TOX: variants seen among roughly 807,000 people sequenced by gnomAD.
TOX encodes thymocyte selection-associated high mobility group box protein TOX.
Under a neutral mutation model 53.7 loss-of-function variants are expected in TOX, and 11 were observed. That is an observed-to-expected ratio of 0.20 (90% CI 0.13 to 0.34). TOX has a LOEUF of 0.34. Among genes scored for constraint, TOX ranks in the 10% least tolerant of loss-of-function variants. TOX has a pLI of 1.00. For missense variants in TOX, 570 were observed against 664.6 expected (o/e 0.86, Z 1.56); for synonymous variants, 225 against 245.3 (o/e 0.92, Z 0.77).
At chr8:58,927,973 A>G (rs1563391762) in intron 3 of TOX, among the ~76,000 whole-genome samples, 1 of 152,282 alleles carries the variant, frequency 6.6e-6, no homozygotes, top group Non-Finnish European at 1.5e-5. Context: ...CAAGATCCCA[A>G]TGCCATCAGT....
intron 3 of TOX, among the ~76,000 whole-genome samples, chr8:58,937,743 A>C (rs1812370582): frequency 6.6e-6 from 1 of 152,114 alleles, no homozygotes; most frequent in Non-Finnish European, 1.5e-5. Flanking sequence ...TACCATGGGG[A>C]ATAAGCCTAG....
rs139018873 is a variant in TOX at position 58,986,124 on chromosome 8, TACTTAAGGTCGTC to T, written c.103-26129_103-26117del. On this transcript the variant is annotated intron_variant, in intron 1 of 8. Coordinates refer to ENST00000361421, the MANE Select transcript of TOX (RefSeq NM_014729.3). ...TCCTCACTACTCTTTTAAAACATAGTACTTAAGGTCGTCACTTAAATTTACTGATGGAGAAACA... is the reference window on the plus strand; with the variant it reads ...TCCTCACTACTCTTTTAAAACATAGTACTTAAATTTACTGATGGAGAAACA... 6.4e-3 allele frequency among the ~76,000 whole-genome samples: 969 copies of T among 152,286 alleles called. 9 individuals carry two copies. Among genetic ancestry groups the T allele is most frequent in the African/African-American group, 0.022 (916 of 41,546 alleles).
intron 1 of TOX, among the ~76,000 whole-genome samples, chr8:59,110,735 C>T (rs1019200193): frequency 2.6e-4 from 40 of 151,718 alleles, no homozygotes. Flanking sequence ...AAAGAGGCCC[C>T]CCGGGGGGCC....
At chr8:59,020,124 GGA>G (rs1814095185) in intron 1 of TOX, among the ~76,000 whole-genome samples, 1 of 152,124 alleles carries the variant, frequency 6.6e-6, no homozygotes, top group African/African-American at 2.4e-5. Flanking sequence ...CAAATTTTGT[GGA>G]AATGTTTTCA....
chr8:58,976,742 T>TTTCG (rs1275554358), intron 1 of TOX, among the ~76,000 whole-genome samples: 2 of 152,236 alleles, frequency 1.3e-5, no homozygotes, highest in Non-Finnish European at 2.9e-5. Context: ...GAATGGATGT[T>TTTCG]ATGCTAACAG....
At chr8:58,972,246 G>A (rs1025800796) in intron 1 of TOX, among the ~76,000 whole-genome samples, 8 of 152,026 alleles carry the variant, frequency 5.3e-5, no homozygotes, top group Admixed American at 2.0e-4. Flanking sequence ...TTTGGCTAAC[G>A]TTAAAGTTAT....
intron 1 of TOX, among the ~76,000 whole-genome samples, chr8:59,047,383 A>T (rs1468059886): frequency 6.8e-6 from 1 of 147,560 alleles, no homozygotes; most frequent in African/African-American, 2.5e-5. Context: ...CGCCCAGCTA[A>T]TTTTTTTTTT....
rs373421494 is a variant in TOX at position 58,923,408 on chromosome 8, C to T, written c.411+15894G>A. On this transcript the variant is annotated intron_variant, in intron 3 of 8. Coordinates refer to ENST00000361421, the MANE Select transcript of TOX (RefSeq NM_014729.3). ...TCTGGAGTGACAGAAATAAGATGAACGAAGGATGAATCCCAGGTTTTTGGG... is the reference window on the plus strand; with the variant it reads ...TCTGGAGTGACAGAAATAAGATGAATGAAGGATGAATCCCAGGTTTTTGGG... 2.8e-4 allele frequency among the ~76,000 whole-genome samples: 43 copies of T among 152,156 alleles called. 1 individual carries two copies. The East Asian group carries it at 3.9e-3, about 14-fold the overall frequency.
chr8:58,873,810 A>G (rs1811235601), intron 3 of TOX, among the ~76,000 whole-genome samples: 1 of 151,428 alleles, frequency 6.6e-6, no homozygotes, highest in Admixed American at 6.6e-5. Context: ...CATGAGGGAG[A>G]CTCCATTTAG....
intron 3 of TOX, among the ~76,000 whole-genome samples, chr8:58,897,703 C>CTTTTT (rs10649827): frequency 0.46 from 68,733 of 148,032 alleles, 16,226 homozygotes; most frequent in African/African-American, 0.54. Context: ...AAATGGAAGT[C>CTTTTT]TTTTTTTTTT....
chr8:58,822,139 T>C (rs1190289930), intron 6 of TOX, among the ~76,000 whole-genome samples: 1 of 152,248 alleles, frequency 6.6e-6, no homozygotes, highest in Admixed American at 6.5e-5. Context: ...AGTTTAGCAA[T>C]GTCCCCTGTT....
intron 1 of TOX, among the ~76,000 whole-genome samples, chr8:59,064,261 G>A (rs1804047783): frequency 6.6e-6 from 1 of 152,154 alleles, no homozygotes; most frequent in South Asian, 2.1e-4. Context: ...TGGCTTCTCT[G>A]TCATTCTTTG....
chr8:59,019,584 G>T (rs915036174), intron 1 of TOX, among the ~76,000 whole-genome samples: 1 of 152,150 alleles, frequency 6.6e-6, no homozygotes, highest in Non-Finnish European at 1.5e-5. Context: ...TTTAATTTGT[G>T]TCTCAATTGA....
chr8:59,071,134 G>T (rs916560042), intron 1 of TOX, among the ~76,000 whole-genome samples: 1 of 152,202 alleles, frequency 6.6e-6, no homozygotes, highest in Admixed American at 6.5e-5. Context: ...CATGGGGCGG[G>T]TATCTATTAA....
intron 1 of TOX, among the ~76,000 whole-genome samples, chr8:59,058,544 A>G (rs1303786995): frequency 2.0e-5 from 3 of 152,192 alleles, no homozygotes; most frequent in East Asian, 1.9e-4. Context: ...AAGTTCCGGA[A>G]GAAGGCAAGC....
Position 59,096,214 on chromosome 8 carries a change from A to C in TOX, c.102+22672T>G, listed in dbSNP as rs75433009. Among the ~76,000 whole-genome samples the C allele has an allele frequency of 2.8e-3, 427 of 152,316 alleles. 2 individuals carry two copies. The highest frequency in any genetic ancestry group is 9.1e-3 in the African/African-American group (380 of 41,568). On this transcript the variant is annotated intron_variant, in intron 1 of 8. Transcript: ENST00000361421. ...TGAAACAGACTAACATTGCTTCAAA[A>C]ATGACTTTAATTAGTTTAATTTTCC...
intron 1 of TOX, among the ~76,000 whole-genome samples, chr8:59,039,571 TC>T (rs1191567926): frequency 6.6e-6 from 1 of 152,206 alleles, no homozygotes; most frequent in Non-Finnish European, 1.5e-5. Flanking sequence ...TGCTCCCTCC[TC>T]TGTTCATCTC....
At chr8:58,935,921 T>C (rs1812335940) in intron 3 of TOX, among the ~76,000 whole-genome samples, 1 of 152,236 alleles carries the variant, frequency 6.6e-6, no homozygotes, top group South Asian at 2.1e-4. Flanking sequence ...CATACATATT[T>C]GTGGATGCAA....
chr8:58,978,193 A>T (rs977059940), intron 1 of TOX, among the ~76,000 whole-genome samples: 1 of 151,970 alleles, frequency 6.6e-6, no homozygotes, highest in East Asian at 1.9e-4. Flanking sequence ...GCCCAAGGGG[A>T]TCTGCCTGGG....
Sources: gnomAD v4.1 joint callset for allele counts (sites outside exome capture counted in the v4.1 genomes callset) on GRCh38, gnomAD v4.1.1 for gene constraint, MANE v1.5 for transcripts, NCBI Gene and HGNC (gene_info 2026-07-23, HGNC 2026-07-21) for gene names.